Variants in KRT27 observed in about 807,000 individuals in gnomAD.
The protein encoded by KRT27 is keratin 27, also known as keratin, type I cytoskeletal 27.
Under a neutral mutation model 45.3 loss-of-function variants are expected in KRT27, and 30 were observed. That is an observed-to-expected ratio of 0.66 (90% confidence interval 0.50 to 0.90). The LOEUF is 0.90. Among genes scored for constraint, KRT27 ranks in the 40% least tolerant of loss-of-function variants. KRT27 has a pLI of 0.00. For synonymous variants in KRT27, 204 were observed against 223.9 expected, an observed-to-expected ratio of 0.91 and a Z score of 0.79; for missense variants, 610 against 564.3, an observed-to-expected ratio of 1.08 and a Z score of -0.82.
intron 5 of KRT27, among the ~76,000 whole-genome samples, chr17:40,778,384 T>C (rs2038282206): frequency 6.6e-6 from 1 of 152,258 alleles, no homozygotes; most frequent in East Asian, 1.9e-4. Flanking sequence ...CTTGATTTTA[T>C]ATACATTCAT....
At chr17:40,781,107 A>G (rs537113303) in intron 2 of KRT27, 81 bp downstream of exon 2, 605 of 813,864 alleles carry the variant, frequency 7.4e-4, no homozygotes, top group South Asian at 1.2e-3. Context: ...GGCTTGAGAC[A>G]ACGTCAAATA....
chr17:40,781,700 G>A (rs55823599), intron 1 of KRT27, among the ~76,000 whole-genome samples: 52,854 of 152,072 alleles, frequency 0.35, 10,416 homozygotes, highest in East Asian at 0.65. Flanking sequence ...AAAGTGCTGG[G>A]ATTACAGGCT....
Position 40,782,157 on chromosome 17 carries a change from C to G in KRT27, c.337G>C (p.Glu113Gln). ...TCATACCACCCCTTGATCTTCTGCT[C>G]CAAGTCAGCGTTGGCCTCCTCTAGG... ...RALEEANADLEQKIKGWYEKF... is the reference protein window; with the variant it reads ...RALEEANADLQQKIKGWYEKF... Residue 113 changes from glutamate (E) to glutamine (Q), a missense_variant, in exon 1 of 8, where the codon GAG (glutamate) becomes CAG (glutamine). Coordinates refer to ENST00000301656, the MANE Select transcript of KRT27 (RefSeq NM_181537.4). The G allele has an allele frequency of 1.9e-6, 3 of 1,614,228 alleles. No homozygotes were observed. Among genetic ancestry groups the G allele is most frequent in the Non-Finnish European group, 2.5e-6 (3 of 1,180,038 alleles).
intron 5 of KRT27, among the ~76,000 whole-genome samples, chr17:40,779,071 C>A (rs1316154440): frequency 6.6e-6 from 1 of 152,108 alleles, no homozygotes; most frequent in Non-Finnish European, 1.5e-5. Flanking sequence ...CTATAGAACA[C>A]TTGAACTGAT....
chr17:40,781,299 A>G, intron 1 of KRT27, 29 bp from the exon 2 acceptor site: 3 of 1,356,380 alleles, frequency 2.2e-6, no homozygotes, highest in Non-Finnish European at 3.1e-6. Context: ...GTTAAGATTG[A>G]GGAAATATTT....
intron 2 of KRT27, among the ~76,000 whole-genome samples, chr17:40,780,852 A>AAAAT (rs993965762): frequency 1.2e-4 from 18 of 152,140 alleles, no homozygotes; most frequent in South Asian, 2.1e-4. Context: ...CCGTCTCCAA[A>AAAAT]AAATAAATAA....
Position 40,780,475 on chromosome 17 carries a change from A to C in KRT27, c.528-19T>G. 6.2e-7 allele frequency: 1 copy of C among 1,609,952 alleles called. No individual in the cohort carries two copies. Among genetic ancestry groups the C allele is most frequent in the Non-Finnish European group, 8.5e-7 (1 of 1,177,916 alleles). On this transcript the variant is annotated intron_variant, in intron 2 of 7. Coordinates refer to ENST00000301656, the MANE Select transcript of KRT27 (RefSeq NM_181537.4). ...TTCAAACCTTAGAAAAGTATTTGGAAGTTTCATCATTAGTCATTAGACATG... is the reference window on the plus strand; with the variant it reads ...TTCAAACCTTAGAAAAGTATTTGGACGTTTCATCATTAGTCATTAGACATG...
At position 40,782,304 on chromosome 17, in the gene KRT27, C is replaced by A. The variant is rs374027305; in HGVS notation, c.190G>T (p.Gly64Trp). 1 of 1,614,154 alleles carries A rather than the reference C, an allele frequency of 6.2e-7. No individual in the cohort carries two copies. The highest frequency in any genetic ancestry group is 1.3e-5 in the African/African-American group (1 of 75,046). The change falls in exon 1 of 8, where the codon GGG (glycine) becomes TGG (tryptophan). Residue 64 changes from glycine to tryptophan, a missense_variant. Transcript: ENST00000301656. ...SAGGYGGGLGGGSASCAAFTG... is the reference protein window; with the variant it reads ...SAGGYGGGLGWGSASCAAFTG... The stretch of plus-strand genomic sequence containing the variant: ...AAGGCAGCACAGGAAGCACTTCCCC[C>A]GCCCAGACCTCCGCCATAGCCTCCT...
At chr17:40,781,493 G>C (rs2038311059) in intron 1 of KRT27, among the ~76,000 whole-genome samples, 1 of 152,126 alleles carries the variant, frequency 6.6e-6, no homozygotes, top group Admixed American at 6.5e-5. Context: ...GCAGTGGCAC[G>C]ATCTTGGCTC....
chr17:40,782,024 A>T, intron 1 of KRT27, 26 bp downstream of exon 1: 1 of 1,586,576 alleles, frequency 6.3e-7, no homozygotes, highest in Non-Finnish European at 8.6e-7. Flanking sequence ...CAGGAGTGCT[A>T]ACACTCACGC....
At position 40,782,520 on chromosome 17, in the gene KRT27, T is replaced by A. The variant is rs751946550; in HGVS notation, c.-27A>T. 22 of 1,496,602 alleles carry A rather than the reference T, an allele frequency of 1.5e-5. No individual in the cohort carries two copies. Among genetic ancestry groups the A allele is most frequent in the Non-Finnish European group, 1.9e-5 (21 of 1,118,912 alleles). The allele number at this position is 1,496,602 out of a possible 1,614,324, so 92.7% of individuals were successfully genotyped here. ...GTGTCCGGAGGCTGGAGCCTTTGTT[T>A]CTGCGGTGATGCTCTGATGGTGAAC... On this transcript the variant is annotated 5_prime_UTR_variant, in exon 1 of 8. Coordinates refer to ENST00000301656, the MANE Select transcript of KRT27 (RefSeq NM_181537.4).
intron 5 of KRT27, among the ~76,000 whole-genome samples, chr17:40,778,928 A>T (rs1448301354): frequency 6.6e-6 from 1 of 152,138 alleles, no homozygotes; most frequent in Non-Finnish European, 1.5e-5. Flanking sequence ...TAGTGATAGA[A>T]TCAGGGCAGT....
At chr17:40,781,929 A>G (rs933993519) in intron 1 of KRT27, 121 bp downstream of exon 1, 7 of 725,058 alleles carry the variant, frequency 9.7e-6, no homozygotes, top group Non-Finnish European at 1.3e-5. Context: ...TTGAAAATGA[A>G]CTCCTAAAAT....
intron 1 of KRT27, 34 bp downstream of exon 1, chr17:40,782,016 G>C: frequency 6.4e-7 from 1 of 1,560,156 alleles, no homozygotes; most frequent in Non-Finnish European, 8.7e-7. Context: ...AACACTCTCA[G>C]GAGTGCTAAC....
At chr17:40,777,821 C>G (rs1460401783) in intron 5 of KRT27, 89 bp from the exon 6 acceptor site, 3 of 1,258,544 alleles carry the variant, frequency 2.4e-6, no homozygotes, top group Non-Finnish European at 3.4e-6. Flanking sequence ...AGAGAATTAT[C>G]CTTACATCAT....
intron 5 of KRT27, among the ~76,000 whole-genome samples, chr17:40,778,706 C>T (rs1402137743): frequency 2.6e-5 from 4 of 152,190 alleles, no homozygotes; most frequent in Admixed American, 1.3e-4. Flanking sequence ...CTTCATGCCT[C>T]GACTTTTCCT....
rs2469826 is a variant in KRT27, at chr17:40,782,339, C to G, written c.155G>C (p.Ser52Thr). 442,131 of 1,613,808 alleles carry G rather than the reference C, an allele frequency of 0.27. 61,841 individuals are homozygous for G. Among genetic ancestry groups the G allele is most frequent in the Admixed American group, 0.4 (24,119 of 59,966 alleles). ...TCCGCCATAGCCTCCTGCAGATGAG[C>G]TGCCCCCAAAAGCACAAGAGAAGCC... ...GSGFSCAFGG[S>T]SSAGGYGGGL... Residue 52 changes from serine (S) to threonine (T), a missense_variant, in exon 1 of 8, where the codon AGC (serine) becomes ACC (threonine). By Grantham distance (58) the Ser-to-Thr change is moderately conservative. Transcript: ENST00000301656.
Position 40,781,192 on chromosome 17 carries a change from G to A in KRT27, c.523C>T (p.Leu175=). ...NARLTADDFR[L]KFENELALHQ... ...TTTATCTTCAGCTCTACTTACTTTA[G>A]TCTGAAGTCATCAGCTGTTAGTCTT... Residue 175 remains leucine, a synonymous_variant, in exon 2 of 8, where the codon CTA becomes TTA. Coordinates refer to ENST00000301656, the MANE Select transcript of KRT27 (RefSeq NM_181537.4). The A allele has an allele frequency of 6.2e-7, 1 of 1,604,846 alleles. No individual in the cohort carries two copies. Among genetic ancestry groups the A allele is most frequent in the East Asian group, 2.2e-5 (1 of 44,748 alleles).
intron 3 of KRT27, 132 bp from the exon 4 acceptor site, chr17:40,779,993 C>G: frequency 1.8e-6 from 2 of 1,132,584 alleles, no homozygotes; most frequent in Non-Finnish European, 2.4e-6. Flanking sequence ...CCTCGAAATC[C>G]TGGCCTCAAG....
Sources: allele counts gnomAD v4.1 joint callset (sites outside exome capture counted in the v4.1 genomes callset), GRCh38; gene constraint gnomAD v4.1.1; transcripts MANE v1.5; gene names NCBI Gene and HGNC (gene_info 2026-07-23, HGNC 2026-07-21).